Variants in SYNDIG1L observed in about 807,000 individuals in gnomAD.
SYNDIG1L encodes the protein synapse differentiation inducing 1 like.
In SYNDIG1L, 13 loss-of-function variants were observed where a neutral mutation model predicts 20.1. That is an observed-to-expected ratio of 0.65 (90% CI 0.42 to 1.03). The LOEUF is 1.03. Ranked by LOEUF, SYNDIG1L falls within the 50% of genes least tolerant of loss-of-function variation. SYNDIG1L has a pLI of 0.00. For missense variants in SYNDIG1L, 294 were observed against 305.1 expected, an observed-to-expected ratio of 0.96 and a Z score of 0.27; for synonymous variants, 128 against 129.3, an observed-to-expected ratio of 0.99 and a Z score of 0.07.
chr14:74,409,435 G>T lies in SYNDIG1L; in HGVS notation c.310C>A (p.Gln104Lys). The part of the protein sequence containing the change: ...DREPQEGPPE[Q>K]PTGPGQAAEN... ...GCAGCTTGGCCAGGTCCTGTGGGCT[G>T]CTCTGGAGGCCCCTCCTGGGGCTCC... The change falls in exon 2 of 4, where the codon CAG becomes AAG. Residue 104 changes from glutamine to lysine, a missense_variant. Physicochemically the swap from Gln to Lys is moderately conservative, Grantham distance 53. Coordinates refer to ENST00000331628, the MANE Select transcript of SYNDIG1L (RefSeq NM_001105579.2). 1 of 1,613,794 alleles carries T rather than the reference G, an allele frequency of 6.2e-7. No homozygotes were observed. Among genetic ancestry groups the T allele is most frequent in the Non-Finnish European group, 8.5e-7 (1 of 1,179,906 alleles).
chr14:74,413,123 C>G (rs1289535902), intron 1 of SYNDIG1L, among the ~76,000 whole-genome samples: 2 of 152,214 alleles, frequency 1.3e-5, no homozygotes, highest in Non-Finnish European at 2.9e-5. Flanking sequence ...CAGGCAGGGG[C>G]AGCTGAATCC....
At chr14:74,468,140 T>C in the SYNDIG1L span, among the ~76,000 whole-genome samples, 453 of 152,196 alleles carry the variant, frequency 3.0e-3, 1 homozygote, top group African/African-American at 0.01. Flanking sequence ...GACTAGACCT[T>C]GGGAGAGTTA....
the SYNDIG1L span, among the ~76,000 whole-genome samples, chr14:74,442,304 C>T: frequency 2.0e-5 from 3 of 152,000 alleles, no homozygotes; most frequent in African/African-American, 2.4e-5. Flanking sequence ...CAAGTGCTAC[C>T]GCAAATGGCA....
At chr14:74,468,621 C>T in the SYNDIG1L span, among the ~76,000 whole-genome samples, 3 of 152,144 alleles carry the variant, frequency 2.0e-5, no homozygotes, top group Non-Finnish European at 4.4e-5. Flanking sequence ...AGTGGGATCA[C>T]GATCCCCCTG....
rs184577612 is a variant in SYNDIG1L, at chr14:74,422,837, G to A, written c.-58+3075C>T. Among the ~76,000 whole-genome samples, 405 of 151,434 alleles carry A rather than the reference G, an allele frequency of 2.7e-3. 10 individuals are homozygous for A. The highest frequency in any genetic ancestry group is 0.026 in the Admixed American group (396 of 15,204). On this transcript the variant is annotated intron_variant, in intron 1 of 3. Coordinates refer to ENST00000331628, the MANE Select transcript of SYNDIG1L (RefSeq NM_001105579.2). ...GAAGTGATTCATGCCTCAGCCTCCC[G>A]AGTAGCTGAAGTTACATGCCTGGCT...
At chr14:74,467,448 G>A in the SYNDIG1L span, among the ~76,000 whole-genome samples, 1 of 152,130 alleles carries the variant, frequency 6.6e-6, no homozygotes, top group Non-Finnish European at 1.5e-5. Flanking sequence ...CCCCAGGAGA[G>A]GGGGCAGGGG....
intron 1 of SYNDIG1L, among the ~76,000 whole-genome samples, chr14:74,420,163 G>A (rs1027492093): frequency 1.8e-4 from 28 of 152,068 alleles, no homozygotes; most frequent in African/African-American, 5.1e-4. Context: ...TTGGAAGGTC[G>A]AGGCGGGTGG....
the SYNDIG1L span, among the ~76,000 whole-genome samples, chr14:74,442,339 C>T: frequency 1.3e-5 from 2 of 152,100 alleles, no homozygotes; most frequent in African/African-American, 4.8e-5. Context: ...GAAACTATTT[C>T]CGAGGAACCT....
At chr14:74,455,694 C>G in the SYNDIG1L span, among the ~76,000 whole-genome samples, 2 of 152,236 alleles carry the variant, frequency 1.3e-5, no homozygotes, top group African/African-American at 4.8e-5. Context: ...GCTGGGATTA[C>G]AGGCGTGAGC....
the SYNDIG1L span, among the ~76,000 whole-genome samples, chr14:74,441,284 T>A: frequency 6.6e-6 from 1 of 152,184 alleles, no homozygotes; most frequent in South Asian, 2.1e-4. Context: ...AATTACAAAT[T>A]AACCACACTC....
In SYNDIG1L at chr14:74,407,523, C is replaced by T. The variant is rs2086092697; in HGVS notation, c.*12G>A. 6.2e-7 allele frequency: 1 copy of T among 1,613,264 alleles called. No homozygotes were observed. The highest frequency in any genetic ancestry group is 1.3e-5 in the African/African-American group (1 of 74,924). On this transcript the variant is annotated 3_prime_UTR_variant, in exon 4 of 4. Coordinates refer to ENST00000331628, the MANE Select transcript of SYNDIG1L (RefSeq NM_001105579.2). Reference sequence around the variant, plus strand: ...GTGGGCAGGGGAGTCAGGATGCAGGCCCTACTGGCTACTAGCCATGACCGT... The same window carrying T: ...GTGGGCAGGGGAGTCAGGATGCAGGTCCTACTGGCTACTAGCCATGACCGT...
In SYNDIG1L at chr14:74,426,146, C is replaced by A. The variant is rs935991495; in HGVS notation, c.-292G>T. ...GGTCCCGGGAGCCCCGCATCCTGGC[C>A]GGGCCCCGCCGCCGCCGCCGCCGCG... On this transcript the variant is annotated 5_prime_UTR_variant, in exon 1 of 4. Coordinates refer to ENST00000331628, the MANE Select transcript of SYNDIG1L (RefSeq NM_001105579.2). 6.8e-6 allele frequency: 1 copy of A among 147,916 alleles called. No homozygotes were observed. The highest frequency in any genetic ancestry group is 2.0e-4 in the East Asian group (1 of 5,098). The allele number at this position is 147,916 out of a possible 1,614,324, so 9.2% of individuals were successfully genotyped here.
At chr14:74,416,070 G>T (rs943869141) in intron 1 of SYNDIG1L, among the ~76,000 whole-genome samples, 3 of 152,128 alleles carry the variant, frequency 2.0e-5, no homozygotes, top group African/African-American at 7.2e-5. Flanking sequence ...CTCAGGGCTG[G>T]GGGGAGAGGA....
the SYNDIG1L span, among the ~76,000 whole-genome samples, chr14:74,455,170 A>T: frequency 6.6e-6 from 1 of 152,192 alleles, no homozygotes; most frequent in Admixed American, 6.5e-5. Context: ...AGCCTTCACA[A>T]CCACGTGAAC....
the SYNDIG1L span, among the ~76,000 whole-genome samples, chr14:74,436,861 A>AG: frequency 4.6e-5 from 7 of 151,132 alleles, no homozygotes; most frequent in East Asian, 1.4e-3. Flanking sequence ...AAAAAAAAAA[A>AG]AAAAAAAGCT....
chr14:74,427,919 C>G (rs1013556652), upstream of SYNDIG1L, among the ~76,000 whole-genome samples: 1 of 152,262 alleles, frequency 6.6e-6, no homozygotes, highest in African/African-American at 2.4e-5. Flanking sequence ...CTCCCCTCCC[C>G]ACCCTGGCTG....
the SYNDIG1L span, among the ~76,000 whole-genome samples, chr14:74,463,367 G>T: frequency 6.6e-6 from 1 of 152,136 alleles, no homozygotes; most frequent in Non-Finnish European, 1.5e-5. Flanking sequence ...AGCAGCTCAG[G>T]GTTCTGCAGA....
At chr14:74,474,162 C>T in the SYNDIG1L span, 3 of 152,254 alleles carry the variant, frequency 2.0e-5, no homozygotes, top group Non-Finnish European at 4.4e-5. Flanking sequence ...CTTTTGTCTA[C>T]ACAACACCTC....
the SYNDIG1L span, among the ~76,000 whole-genome samples, chr14:74,465,694 C>T: frequency 6.6e-6 from 1 of 152,126 alleles, no homozygotes; most frequent in African/African-American, 2.4e-5. Flanking sequence ...GGGTATAAGC[C>T]CCAGGACTCC....
Sources: allele counts gnomAD v4.1 joint callset (sites outside exome capture counted in the v4.1 genomes callset), GRCh38; gene constraint gnomAD v4.1.1; transcripts MANE v1.5; gene names NCBI Gene and HGNC (gene_info 2026-07-23, HGNC 2026-07-21).